Variants in MTHFD1L observed in about 807,000 individuals in gnomAD.
MTHFD1L encodes methylenetetrahydrofolate dehydrogenase (NADP+ dependent) 1 like.
A neutral mutation model predicts 119.5 loss-of-function variants in MTHFD1L; 81 were observed. The ratio of observed to expected loss-of-function variants is 0.68; its 90% CI spans 0.57 to 0.82. The LOEUF (loss-of-function observed/expected upper bound fraction) is 0.82, where lower values mean the gene tolerates loss of function less well. Ranked by LOEUF, MTHFD1L falls within the 40% of genes least tolerant of loss-of-function variation. MTHFD1L has a pLI of 0.00. For synonymous variants in MTHFD1L, 430 were observed against 475.2 expected (o/e 0.90, Z 1.24); for missense variants, 1,125 against 1,253.4 (o/e 0.90, Z 1.55).
intron 1 of MTHFD1L, among the ~76,000 whole-genome samples, chr6:150,874,625 C>T (rs138650347): frequency 0.012 from 1,845 of 152,306 alleles, 36 homozygotes; most frequent in African/African-American, 0.042. Flanking sequence ...CCTGTGGCTG[C>T]GCCTTTGGTC....
chr6:150,889,757 T>C (rs1230535278), intron 7 of MTHFD1L, among the ~76,000 whole-genome samples: 1 of 152,246 alleles, frequency 6.6e-6, no homozygotes, highest in Admixed American at 6.5e-5. Context: ...TCTGGAGCTA[T>C]GGGAATTCAT....
chr6:151,072,643 G>A (rs1172045697), intron 26 of MTHFD1L, among the ~76,000 whole-genome samples: 1 of 152,070 alleles, frequency 6.6e-6, no homozygotes, highest in Non-Finnish European at 1.5e-5. Context: ...ACAAAAATTA[G>A]CCAGGCATGG....
At chr6:151,062,619 G>A (rs1410745977) in intron 26 of MTHFD1L, among the ~76,000 whole-genome samples, 1 of 152,292 alleles carries the variant, frequency 6.6e-6, no homozygotes, top group South Asian at 2.1e-4. Flanking sequence ...TTAGGACTGT[G>A]TTGGGGGCAG....
At chr6:150,959,091 C>T in intron 17 of MTHFD1L, 1 of 708,272 alleles carries the variant, frequency 1.4e-6, no homozygotes, top group South Asian at 6.3e-5. Flanking sequence ...AATGAAAGAC[C>T]ACTTATGTTT....
In MTHFD1L at chr6:151,039,775, C is replaced by T. The variant is rs1786776070; in HGVS notation, c.2847+2658C>T. On this transcript the variant is annotated intron_variant, in intron 26 of 27. Transcript: ENST00000367321. The surrounding 1 kb of genome is among the most constrained non-coding windows in gnomAD (Gnocchi z 4.4). ...ACTAAAAATACAAAAATTTGCCGGGCGGGGTGGTGGGCACCTATAATCCCA... is the reference window on the plus strand; with the variant it reads ...ACTAAAAATACAAAAATTTGCCGGGTGGGGTGGTGGGCACCTATAATCCCA... Among the ~76,000 whole-genome samples the T allele has an allele frequency of 6.6e-6, 1 of 151,958 alleles. No individual in the cohort carries two copies. Among genetic ancestry groups the T allele is most frequent in the African/African-American group, 2.4e-5 (1 of 41,354 alleles).
At chr6:150,866,929 G>T (rs1778464392) in intron 1 of MTHFD1L, among the ~76,000 whole-genome samples, 1 of 152,180 alleles carries the variant, frequency 6.6e-6, no homozygotes, top group Non-Finnish European at 1.5e-5. Context: ...GCCTCCCTCG[G>T]AACTGGGATT....
chr6:151,042,854 G>A (rs762412354), intron 26 of MTHFD1L, among the ~76,000 whole-genome samples: 15 of 152,056 alleles, frequency 9.9e-5, no homozygotes, highest in Non-Finnish European at 1.6e-4. Context: ...TACATTGGGC[G>A]TATATCACTT....
chr6:150,898,288 A>G (rs1489766640), intron 7 of MTHFD1L, among the ~76,000 whole-genome samples: 1 of 152,146 alleles, frequency 6.6e-6, no homozygotes, highest in Non-Finnish European at 1.5e-5. Context: ...TGTTATACTC[A>G]CCAGAGAGCC....
chr6:150,947,403 CT>C (rs1254388138), intron 15 of MTHFD1L, among the ~76,000 whole-genome samples: 1 of 151,240 alleles, frequency 6.6e-6, no homozygotes, highest in African/African-American at 2.4e-5. Context: ...CCAAAAATCA[CT>C]TTCTTAAGAT....
chr6:150,926,105 A>G lies in MTHFD1L; in HGVS notation c.1083-17A>G, dbSNP rs1207144173. On this transcript the variant is annotated splice_polypyrimidine_tract_variant and intron_variant, in intron 10 of 27. Transcript: ENST00000367321. The surrounding 1 kb of genome is among the most constrained non-coding windows in gnomAD (Gnocchi z 4.3). ...CTGAGAAGCCTTTTCTCTCTTTCGT[A>G]TTGTCTTTCCCCTCAGTGACATTGA... The G allele has an allele frequency of 1.2e-6, 2 of 1,604,752 alleles. No individual in the cohort carries two copies. The highest frequency in any genetic ancestry group is 1.7e-6 in the Non-Finnish European group (2 of 1,173,574).
At chr6:150,961,669 T>C (rs529689316) in intron 18 of MTHFD1L, among the ~76,000 whole-genome samples, 1 of 152,308 alleles carries the variant, frequency 6.6e-6, no homozygotes, top group Non-Finnish European at 1.5e-5. Context: ...GTCCGGATTG[T>C]TTTTCAGCTG....
In MTHFD1L at chr6:151,015,830, T is replaced by TA. The variant is rs143332395; in HGVS notation, c.2586+139dup. On this transcript the variant is annotated intron_variant, in intron 24 of 27. Coordinates refer to ENST00000367321, the MANE Select transcript of MTHFD1L (RefSeq NM_015440.5). Reference sequence around the variant, plus strand: ...GGCCCGGTGCAGTGGCTCACGCCTGTAATCCCAACACTTTGGGAGGCTAGG... The same window carrying TA: ...GGCCCGGTGCAGTGGCTCACGCCTGTAAATCCCAACACTTTGGGAGGCTAGG... 4,977 of 1,075,288 alleles carry TA rather than the reference T, an allele frequency of 4.6e-3. 169 individuals carry two copies. In the African/African-American group the frequency reaches 0.071, roughly 15 times the overall value. 66.6% of individuals were successfully genotyped at this position (1,075,288 alleles called of 1,614,324 possible). A position where few individuals can be genotyped will look rare whatever the true frequency, so the allele number is the denominator to read the frequency against.
chr6:150,935,134 T>G (rs1401696666), intron 11 of MTHFD1L: 3 of 1,613,686 alleles, frequency 1.9e-6, no homozygotes, highest in East Asian at 2.2e-5. Flanking sequence ...GATTTAACAC[T>G]GAGAAAATTA....
intron 20 of MTHFD1L, among the ~76,000 whole-genome samples, chr6:151,007,919 A>G (rs1163245303): frequency 6.6e-6 from 1 of 152,250 alleles, no homozygotes; most frequent in Non-Finnish European, 1.5e-5. Flanking sequence ...TGTTCAAATA[A>G]CACATAATAA....
At chr6:150,936,709 T>A (rs1037071190) in intron 11 of MTHFD1L, 95 bp from the exon 12 acceptor site, 1 of 1,429,828 alleles carries the variant, frequency 7.0e-7, no homozygotes, top group African/African-American at 1.4e-5. Context: ...CATTTTGAAA[T>A]GAGCACCCTC....
intron 26 of MTHFD1L, 125 bp downstream of exon 26, chr6:151,037,242 A>C (rs1786321819): frequency 9.8e-7 from 1 of 1,023,082 alleles, no homozygotes. Context: ...TTAATAGTAC[A>C]GTATTCGCTA....
chr6:150,977,902 C>CTTTTTTTTT (rs11355188), intron 20 of MTHFD1L, among the ~76,000 whole-genome samples: 1 of 141,120 alleles, frequency 7.1e-6, no homozygotes. Flanking sequence ...ATATATACAC[C>CTTTTTTTTT]TTTTTTTTTT....
rs764625841 is a variant in MTHFD1L, at chr6:151,014,955, G to A, written c.2383G>A (p.Val795Ile). 2.9e-5 allele frequency: 46 copies of A among 1,613,910 alleles called. No individual in the cohort carries two copies. Among genetic ancestry groups the A allele is most frequent in the Middle Eastern group, 1.6e-4 (1 of 6,082 alleles). Reference protein sequence around the residue: ...IQITQLFGVPVVVALNVFKTD... With the variant: ...IQITQLFGVPIVVALNVFKTD... ...GATCACTCAGCTCTTTGGGGTTCCC[G>A]TTGTGGTGGCTCTGAATGTCTTCAA... Residue 795 changes from valine to isoleucine, a missense_variant, in exon 23 of 28, where the codon GTT (valine) becomes ATT (isoleucine). By Grantham distance (29) the Val-to-Ile change is conservative. Around this residue, in one of 3 missense-constraint regions of MTHFD1L, gnomAD observed 1,058 missense variants for 1,151.2 expected, o/e 0.92. Coordinates refer to ENST00000367321, the MANE Select transcript of MTHFD1L (RefSeq NM_015440.5).
At chr6:150,941,838 G>A (rs987208820) in intron 13 of MTHFD1L, among the ~76,000 whole-genome samples, 5 of 152,108 alleles carry the variant, frequency 3.3e-5, no homozygotes, top group African/African-American at 1.2e-4. Context: ...TCAAGTAGAC[G>A]GCTGGAAAGA....
Sources: gnomAD v4.1 joint callset for allele counts (sites outside exome capture counted in the v4.1 genomes callset) on GRCh38, gnomAD v4.1.1 for gene constraint, gnomAD v4.1.1 regional missense constraint, Gnocchi (gnomAD v3.1) non-coding constraint, MANE v1.5 for transcripts, NCBI Gene and HGNC (gene_info 2026-07-23, HGNC 2026-07-21) for gene names.